Variants in CPEB3 observed in about 807,000 individuals in gnomAD.
CPEB3 encodes the protein cytoplasmic polyadenylation element binding protein 3, also known as cytoplasmic polyadenylation element-binding protein 3.
Under a neutral mutation model 67.2 loss-of-function variants are expected in CPEB3, and 20 were observed. The observed-to-expected ratio is 0.30, with a 90% CI of 0.21 to 0.43. The LOEUF (loss-of-function observed/expected upper bound fraction) is 0.43. Ranked by LOEUF, CPEB3 falls within the 20% of genes least tolerant of loss-of-function variation. CPEB3 has a pLI of 1.00. For synonymous variants in CPEB3, 376 were observed against 393.1 expected (o/e 0.96, Z 0.51); for missense variants, 746 against 968.6 (o/e 0.77, Z 3.05).
intron 2 of CPEB3, chr10:92,216,374 G>A (rs1013230015): frequency 2.8e-4 from 458 of 1,611,868 alleles, no homozygotes; most frequent in Non-Finnish European, 3.7e-4. Flanking sequence ...CGAGGCTCAG[G>A]CGGAGGTGTG....
At chr10:92,247,590 T>G (rs1490475823) in intron 1 of CPEB3, among the ~76,000 whole-genome samples, 4 of 151,944 alleles carry the variant, frequency 2.6e-5, no homozygotes, top group African/African-American at 9.7e-5. Context: ...AGAGATGGGG[T>G]TTCTCCGTGT....
intron 7 of CPEB3, among the ~76,000 whole-genome samples, chr10:92,094,585 G>A (rs1190371460): frequency 2.0e-5 from 3 of 149,972 alleles, no homozygotes; most frequent in East Asian, 3.9e-4. Context: ...CTGGGCGGTA[G>A]AGCGAAACTC....
At chr10:92,286,642 T>C (rs11816827) in intron 1 of CPEB3, among the ~76,000 whole-genome samples, 2,436 of 151,174 alleles carry the variant, frequency 0.016, 64 homozygotes, top group African/African-American at 0.057. Context: ...TACCTATGCA[T>C]ATATTTTCTG....
intron 3 of CPEB3, among the ~76,000 whole-genome samples, chr10:92,181,481 T>G (rs1848461056): frequency 6.6e-6 from 1 of 151,028 alleles, no homozygotes; most frequent in Non-Finnish European, 1.5e-5. Context: ...ATAATCAGAA[T>G]GGCAACCAGA....
chr10:92,232,593 C>T (rs1851323647), intron 2 of CPEB3, among the ~76,000 whole-genome samples: 1 of 151,492 alleles, frequency 6.6e-6, no homozygotes, highest in Admixed American at 6.6e-5. Flanking sequence ...CCCGTCTCTA[C>T]CAAAAATACA....
At chr10:92,259,701 C>G (rs1441124964) in intron 1 of CPEB3, among the ~76,000 whole-genome samples, 1 of 152,058 alleles carries the variant, frequency 6.6e-6, no homozygotes, top group Non-Finnish European at 1.5e-5. Context: ...AATTACCAAA[C>G]TAGAACTCTA....
intron 1 of CPEB3, among the ~76,000 whole-genome samples, chr10:92,277,274 T>C (rs1842036297): frequency 6.6e-6 from 1 of 152,256 alleles, no homozygotes; most frequent in Admixed American, 6.5e-5. Context: ...TAGTGTGAGA[T>C]CTTACATTTT....
At chr10:92,208,672 T>C (rs565198607) in intron 2 of CPEB3, among the ~76,000 whole-genome samples, 274 of 151,708 alleles carry the variant, frequency 1.8e-3, no homozygotes, top group African/African-American at 6.3e-3. Context: ...GAGCTCACTG[T>C]AACCTTCACC....
At chr10:92,143,425 T>C (rs1370660693) in intron 5 of CPEB3, among the ~76,000 whole-genome samples, 1 of 152,180 alleles carries the variant, frequency 6.6e-6, no homozygotes, top group Non-Finnish European at 1.5e-5. Flanking sequence ...CTATGTCAAA[T>C]AGAAAGATTC....
rs987623986 is a variant in CPEB3 at position 92,239,736 on chromosome 10, G to C, written c.615C>G (p.Ser205Arg). 1.5e-5 allele frequency: 22 copies of C among 1,504,716 alleles called. No homozygotes were observed. In the Admixed American group the frequency reaches 3.7e-4, roughly 26 times the overall value. 93.2% of individuals were successfully genotyped at this position (1,504,716 alleles called of 1,614,324 possible). A position where few individuals can be genotyped will look rare whatever the true frequency, so the allele number is the denominator to read the frequency against. Residue 205 changes from serine to arginine, a missense_variant, in exon 2 of 10, where the codon AGC becomes AGG. Around this residue, in one of 2 missense-constraint regions of CPEB3, gnomAD observed 643 missense variants for 717.5 expected, o/e 0.90. Coordinates refer to ENST00000265997, the MANE Select transcript of CPEB3 (RefSeq NM_014912.5). The surrounding 1 kb of genome is among the most constrained non-coding windows in gnomAD (Gnocchi z 6.0). ...SPSQAPYAQR[S>R]AAAAYGHQPI... ...GCTGGTGGCCGTACGCCGCGGCGGC[G>C]CTCCTCTGCGCGTAGGGCGCCTGGC...
chr10:92,187,464 C>T (rs1210900798), intron 3 of CPEB3, among the ~76,000 whole-genome samples: 1 of 152,200 alleles, frequency 6.6e-6, no homozygotes, highest in Non-Finnish European at 1.5e-5. Flanking sequence ...AGGGAAATTG[C>T]ATGGGATGAA....
At chr10:92,215,999 C>T (rs1295944663) in intron 2 of CPEB3, among the ~76,000 whole-genome samples, 1 of 148,816 alleles carries the variant, frequency 6.7e-6, no homozygotes, top group Admixed American at 6.7e-5. Context: ...CCACCTGCCT[C>T]GGCCTCCCAA....
rs1217657184 is a variant in CPEB3, at chr10:92,143,013, A to G, written c.1453+16T>C. 1 of 1,594,004 alleles carries G rather than the reference A, an allele frequency of 6.3e-7. No individual in the cohort carries two copies. Among genetic ancestry groups the G allele is most frequent in the Non-Finnish European group, 8.6e-7 (1 of 1,162,742 alleles). On this transcript the variant is annotated intron_variant, in intron 6 of 9. Transcript: ENST00000265997. The stretch of plus-strand genomic sequence containing the variant: ...TCTCCAACAGGCAAGCAGTGGAAAC[A>G]TTTTAAGAGCATTACCTTTAGGAGG...
At position 92,049,275 on chromosome 10, in the gene CPEB3, T is replaced by C. The variant is rs918038727; in HGVS notation, c.*2937A>G. ...AAACAGTATTGCACATAACAACAAA[T>C]AGTCGAGGTTAGGTTATAGCCTTCA... On this transcript the variant is annotated 3_prime_UTR_variant, in exon 10 of 10. Coordinates refer to ENST00000265997, the MANE Select transcript of CPEB3 (RefSeq NM_014912.5). 1 of 152,382 alleles carries C rather than the reference T, an allele frequency of 6.6e-6. No homozygotes were observed. Among genetic ancestry groups the C allele is most frequent in the African/African-American group, 2.4e-5 (1 of 41,464 alleles). The allele number at this position is 152,382 out of a possible 1,614,324, so 9.4% of individuals were successfully genotyped here.
At chr10:92,140,526 C>T (rs1407837888) in intron 6 of CPEB3, among the ~76,000 whole-genome samples, 6 of 151,950 alleles carry the variant, frequency 3.9e-5, no homozygotes, top group Admixed American at 2.0e-4. Context: ...CCATAAAAAC[C>T]CTAGAAGAAA....
intron 2 of CPEB3, among the ~76,000 whole-genome samples, chr10:92,205,242 A>T (rs2134281577): frequency 1.3e-5 from 2 of 152,336 alleles, no homozygotes; most frequent in East Asian, 3.9e-4. Context: ...AAAAGCAGCC[A>T]ATCTGCCTCT....
At chr10:92,249,596 T>C (rs1463351920) in intron 1 of CPEB3, among the ~76,000 whole-genome samples, 2 of 150,788 alleles carry the variant, frequency 1.3e-5, no homozygotes, top group African/African-American at 2.4e-5. Flanking sequence ...TGCAGTGAGC[T>C]GAGATCACAC....
chr10:92,089,656 G>A (rs1179843224), intron 8 of CPEB3, among the ~76,000 whole-genome samples: 2 of 152,002 alleles, frequency 1.3e-5, no homozygotes, highest in East Asian at 1.9e-4. Context: ...GGTGGTGTGC[G>A]CCTGTAGTCC....
At chr10:92,289,813 T>A (rs971906428) in intron 1 of CPEB3, among the ~76,000 whole-genome samples, 1 of 141,004 alleles carries the variant, frequency 7.1e-6, no homozygotes, top group African/African-American at 2.6e-5. Context: ...GTATTATATA[T>A]TATATAATAC....
Sources: gnomAD v4.1 joint callset for allele counts (sites outside exome capture counted in the v4.1 genomes callset) on GRCh38, gnomAD v4.1.1 for gene constraint, gnomAD v4.1.1 regional missense constraint, Gnocchi (gnomAD v3.1) non-coding constraint, MANE v1.5 for transcripts, NCBI Gene and HGNC (gene_info 2026-07-23, HGNC 2026-07-21) for gene names.